The following SNX33 variants were observed in gnomAD, a reference collection of about 807,000 sequenced individuals.
The protein encoded by SNX33 is sorting nexin-33.
Under a neutral mutation model 38.8 loss-of-function variants are expected in SNX33, and 19 were observed. That is an observed-to-expected ratio of 0.49 (90% confidence interval 0.34 to 0.72). The LOEUF is 0.72. Among genes scored for constraint, SNX33 ranks in the 30% least tolerant of loss-of-function variants. The probability of loss-of-function intolerance (pLI) is 0.01; values close to 1 mark genes in which losing one functional copy is unlikely to be tolerated. For synonymous variants in SNX33, 246 were observed against 289.7 expected, an observed-to-expected ratio of 0.85 and a Z score of 1.53; for missense variants, 641 against 776.4, an observed-to-expected ratio of 0.83 and a Z score of 2.07.
rs1893720498 is a variant in SNX33, at chr15:75,661,310, C to T, written c.*4095C>T. ...GACCCAGCCCGCCCTGCCCGCCTGC[C>T]CGCTGACTCAGGCCTCCAGGAGCCA... On this transcript the variant is annotated 3_prime_UTR_variant, in exon 2 of 2. Transcript: ENST00000308527. The surrounding 1 kb of genome is among the most constrained non-coding windows in gnomAD (Gnocchi z 4.5). 6.6e-6 allele frequency: 1 copy of T among 152,050 alleles called. No individual in the cohort carries two copies. The highest frequency in any genetic ancestry group is 1.5e-5 in the Non-Finnish European group (1 of 68,084). The allele number at this position is 152,050 out of a possible 1,614,324, so 9.4% of individuals were successfully genotyped here.
At position 75,649,212 on chromosome 15, in the gene SNX33, G is replaced by A; in HGVS notation, c.110G>A (p.Gly37Asp). Residue 37 changes from glycine to aspartate, a missense_variant, in exon 1 of 2, where the codon GGC (glycine) becomes GAC (aspartate). Physicochemically the swap from Gly to Asp is moderately conservative, Grantham distance 94. Around this residue, in one of 2 missense-constraint regions of SNX33, gnomAD observed 243 missense variants for 233.9 expected, o/e 1.04. Transcript: ENST00000308527. This position sits in a 1 kb window ranked among gnomAD's most constrained non-coding sequence, Gnocchi z 6.6. ...ATCTTTAGCGAGACCTCACTGGATGGCTGGCTGCAGGGCCAGAACAGCCGT... is the reference window on the plus strand; with the variant it reads ...ATCTTTAGCGAGACCTCACTGGATGACTGGCTGCAGGGCCAGAACAGCCGT... ...LVIFSETSLD[G>D]WLQGQNSRGE... is the part of the protein sequence containing the mutation. 6.2e-7 allele frequency: 1 copy of A among 1,614,102 alleles called. No homozygotes were observed. The highest frequency in any genetic ancestry group is 1.1e-5 in the South Asian group (1 of 91,056).
Position 75,650,246 on chromosome 15 carries a change from A to C in SNX33, c.1144A>C (p.Lys382Gln). The change falls in exon 1 of 2, where the codon AAG becomes CAG. Residue 382 changes from lysine to glutamine, a missense_variant. Transcript: ENST00000308527. This position sits in a 1 kb window ranked among gnomAD's most constrained non-coding sequence, Gnocchi z 6.1. ...CGTGGAAGATCGCGTGGACACTTTC[A>C]AGGCCTTCAGTAAGAAGATGGACGA... ...QDVEDRVDTFKAFSKKMDDSV... is the reference protein window; with the variant it reads ...QDVEDRVDTFQAFSKKMDDSV... 6.3e-7 allele frequency: 1 copy of C among 1,587,780 alleles called. No homozygotes were observed. Among genetic ancestry groups the C allele is most frequent in the Non-Finnish European group, 8.6e-7 (1 of 1,165,160 alleles).
chr15:75,655,454 G>A (rs1893642294), intron 1 of SNX33, among the ~76,000 whole-genome samples: 1 of 152,190 alleles, frequency 6.6e-6, no homozygotes, highest in Non-Finnish European at 1.5e-5. Flanking sequence ...CTGGGAGCTG[G>A]GGAATGCAGA....
intron 1 of SNX33, among the ~76,000 whole-genome samples, chr15:75,652,006 G>GTT (rs10706187): frequency 0.18 from 23,468 of 132,758 alleles, 2,304 homozygotes; most frequent in Non-Finnish European, 0.23. Flanking sequence ...CTTTCTTTCT[G>GTT]TTTTTTTTTT....
rs1261791094 is a variant in SNX33, at chr15:75,659,121, C to G, written c.*1906C>G. On this transcript the variant is annotated 3_prime_UTR_variant, in exon 2 of 2. Coordinates refer to ENST00000308527, the MANE Select transcript of SNX33 (RefSeq NM_153271.2). ...TGGGTACCCAGCCCTGCGGAGGCTCCCACATTGGAAACTGAAGAGGACGCT... is the reference window on the plus strand; with the variant it reads ...TGGGTACCCAGCCCTGCGGAGGCTCGCACATTGGAAACTGAAGAGGACGCT... 6.6e-6 allele frequency: 1 copy of G among 152,380 alleles called. No individual in the cohort carries two copies. Among genetic ancestry groups the G allele is most frequent in the African/African-American group, 2.4e-5 (1 of 41,480 alleles). 9.4% of individuals were successfully genotyped at this position (152,380 alleles called of 1,614,324 possible). A position where few individuals can be genotyped will look rare whatever the true frequency, so the allele number is the denominator to read the frequency against.
rs1893729756 is a variant in SNX33 at position 75,662,085 on chromosome 15, T to C, written c.*4870T>C. ...CCCCATTCCCCACATGGTAGAAGTGTAATCTCACATCAATTTGGGGACCCT... is the reference window on the plus strand; with the variant it reads ...CCCCATTCCCCACATGGTAGAAGTGCAATCTCACATCAATTTGGGGACCCT... On this transcript the variant is annotated 3_prime_UTR_variant, in exon 2 of 2. Transcript: ENST00000308527. 1 of 152,192 alleles carries C rather than the reference T, an allele frequency of 6.6e-6. No homozygotes were observed. Among genetic ancestry groups the C allele is most frequent in the African/African-American group, 2.4e-5 (1 of 41,448 alleles). 9.4% of individuals were successfully genotyped at this position (152,192 alleles called of 1,614,324 possible).
rs751319113 is a variant in SNX33 at position 75,650,421 on chromosome 15, A to G, written c.1319A>G (p.Asn440Ser). 1.2e-6 allele frequency: 2 copies of G among 1,614,152 alleles called. No individual in the cohort carries two copies. Among genetic ancestry groups the G allele is most frequent in the South Asian group, 1.1e-5 (1 of 91,078 alleles). ...CCCCCCTTTTGCTCTGAGGCCCTCA[A>G]CAGTGCCATTTCTCACACGGGCCGT... ...MDPPFCSEAL[N>S]SAISHTGRTY... Residue 440 changes from asparagine (N) to serine (S), a missense_variant, in exon 1 of 2, where the codon AAC becomes AGC. This residue lies in a region of SNX33 where 398 missense variants were observed against 542.5 expected (regional missense o/e 0.73). Coordinates refer to ENST00000308527, the MANE Select transcript of SNX33 (RefSeq NM_153271.2). This position sits in a 1 kb window ranked among gnomAD's most constrained non-coding sequence, Gnocchi z 6.1.
chr15:75,649,243 G>A lies in SNX33; in HGVS notation c.141G>A (p.Glu47=), dbSNP rs377212143. 7 of 1,614,030 alleles carry A rather than the reference G, an allele frequency of 4.3e-6. No homozygotes were observed. In the African/African-American group the frequency reaches 8.0e-5, roughly 18 times the overall value. ...TGCAGGGCCAGAACAGCCGTGGGGA[G>A]ACAGGGCTCTTTCCTGCCTCTTATG... ...GWLQGQNSRG[E]TGLFPASYVE... Residue 47 remains glutamate, a synonymous_variant, in exon 1 of 2, where the codon GAG becomes GAA. Coordinates refer to ENST00000308527, the MANE Select transcript of SNX33 (RefSeq NM_153271.2). The surrounding 1 kb of genome is among the most constrained non-coding windows in gnomAD (Gnocchi z 6.6).
rs1157912338 is a variant in SNX33, at chr15:75,661,913, T to TG, written c.*4698_*4699insG. On this transcript the variant is annotated 3_prime_UTR_variant, in exon 2 of 2. Transcript: ENST00000308527. The surrounding 1 kb of genome is among the most constrained non-coding windows in gnomAD (Gnocchi z 4.5). Reference sequence around the variant, plus strand: ...GTGAAGGGTGAGAGGGTAGGGTGAGTCCCCCCAGCCCTGAGGGATGAAGGG... The same window carrying TG: ...GTGAAGGGTGAGAGGGTAGGGTGAGTGCCCCCCAGCCCTGAGGGATGAAGGG... 6.6e-6 allele frequency: 1 copy of TG among 151,358 alleles called. No homozygotes were observed. The highest frequency in any genetic ancestry group is 2.4e-5 in the African/African-American group (1 of 41,142). 9.4% of individuals were successfully genotyped at this position (151,358 alleles called of 1,614,324 possible). A position where few individuals can be genotyped will look rare whatever the true frequency, so the allele number is the denominator to read the frequency against.
chr15:75,657,068 C>T lies in SNX33; in HGVS notation c.1578C>T (p.Ala526=). 2 of 1,614,170 alleles carry T rather than the reference C, an allele frequency of 1.2e-6. No individual in the cohort carries two copies. The highest frequency in any genetic ancestry group is 1.7e-6 in the Non-Finnish European group (2 of 1,180,024). ...GGCGCTGCCGCGTGGTGGGTTTCGC[C>T]CTGCAGGCCGAGATGAACCACTTCC... ...IRRRCRVVGF[A]LQAEMNHFHQ... is the part of the protein sequence containing the mutation. Residue 526 remains alanine (A), a synonymous_variant, in exon 2 of 2, where the codon GCC becomes GCT. Coordinates refer to ENST00000308527, the MANE Select transcript of SNX33 (RefSeq NM_153271.2). The surrounding 1 kb of genome is among the most constrained non-coding windows in gnomAD (Gnocchi z 5.5).
Position 75,648,078 on chromosome 15 carries a change from A to T in SNX33, c.-1025A>T. 1.0e-6 allele frequency: 1 copy of T among 985,128 alleles called. No homozygotes were observed. Among genetic ancestry groups the T allele is most frequent in the African/African-American group, 1.7e-5 (1 of 57,224 alleles). The allele number at this position is 985,128 out of a possible 1,614,324, so 61.0% of individuals were successfully genotyped here. A position where few individuals can be genotyped will look rare whatever the true frequency, so the allele number is the denominator to read the frequency against. On this transcript the variant is annotated 5_prime_UTR_variant, in exon 1 of 2. Coordinates refer to ENST00000308527, the MANE Select transcript of SNX33 (RefSeq NM_153271.2). This position sits in a 1 kb window ranked among gnomAD's most constrained non-coding sequence, Gnocchi z 4.4. ...CCGCGCCATCTGCTCGCCGGAGCTC[A>T]CTCTCCAAACTCCAAACTGTTGAGT...
chr15:75,657,353 GAGA>G lies in SNX33; in HGVS notation c.*141_*143del. 1.4e-6 allele frequency: 2 copies of G among 1,417,156 alleles called. No individual in the cohort carries two copies. The highest frequency in any genetic ancestry group is 2.3e-5 in the East Asian group (1 of 43,488). The allele number at this position is 1,417,156 out of a possible 1,614,324, so 87.8% of individuals were successfully genotyped here. A position where few individuals can be genotyped will look rare whatever the true frequency, so the allele number is the denominator to read the frequency against. The stretch of plus-strand genomic sequence containing the variant: ...ATAAGCGGCCTGTCCTGCCTCCTGG[GAGA>G]AGGAGCTTTCAAGGAGTCATGGGTG... On this transcript the variant is annotated 3_prime_UTR_variant, in exon 2 of 2. Coordinates refer to ENST00000308527, the MANE Select transcript of SNX33 (RefSeq NM_153271.2). This position sits in a 1 kb window ranked among gnomAD's most constrained non-coding sequence, Gnocchi z 5.5.
Position 75,649,401 on chromosome 15 carries a change from G to A in SNX33, c.299G>A (p.Ser100Asn), listed in dbSNP as rs779203982. 2 of 1,542,502 alleles carry A rather than the reference G, an allele frequency of 1.3e-6. No homozygotes were observed. The highest frequency in any genetic ancestry group is 4.5e-5 in the East Asian group (2 of 44,120). The change falls in exon 1 of 2, where the codon AGT becomes AAT. Residue 100 changes from serine (S) to asparagine (N), a missense_variant. Physicochemically the swap from Ser to Asn is conservative, Grantham distance 46. Transcript: ENST00000308527. This position sits in a 1 kb window ranked among gnomAD's most constrained non-coding sequence, Gnocchi z 6.6. ...VASPARSGGGSGFLSNQGSFE... is the reference protein window; with the variant it reads ...VASPARSGGGNGFLSNQGSFE... Reference sequence around the variant, plus strand: ...AGCCCAGCTAGGAGTGGTGGGGGCAGTGGCTTCCTCTCAAACCAGGGTAGC... The same window carrying A: ...AGCCCAGCTAGGAGTGGTGGGGGCAATGGCTTCCTCTCAAACCAGGGTAGC...
At position 75,649,427 on chromosome 15, in the gene SNX33, T is replaced by C; in HGVS notation, c.325T>C (p.Phe109Leu). Residue 109 changes from phenylalanine to leucine, a missense_variant, in exon 1 of 2, where the codon TTT becomes CTT. Physicochemically the swap from Phe to Leu is conservative, Grantham distance 22. This residue lies in a region of SNX33 where 243 missense variants were observed against 233.9 expected (regional missense o/e 1.04). Transcript: ENST00000308527. The surrounding 1 kb of genome is among the most constrained non-coding windows in gnomAD (Gnocchi z 6.6). ...TGGCTTCCTCTCAAACCAGGGTAGCTTTGAGGAGGATGATGATGATGACTG... is the reference window on the plus strand; with the variant it reads ...TGGCTTCCTCTCAAACCAGGGTAGCCTTGAGGAGGATGATGATGATGACTG... ...GSGFLSNQGS[F>L]EEDDDDDWDD... 6.5e-7 allele frequency: 1 copy of C among 1,538,720 alleles called. No individual in the cohort carries two copies. The highest frequency in any genetic ancestry group is 8.8e-7 in the Non-Finnish European group (1 of 1,140,088).
At chr15:75,652,817 T>C (rs1305496410) in intron 1 of SNX33, among the ~76,000 whole-genome samples, 1 of 152,192 alleles carries the variant, frequency 6.6e-6, no homozygotes, top group Non-Finnish European at 1.5e-5. Flanking sequence ...GAGACAGAAC[T>C]GGACAGGCTT....
intron 1 of SNX33, among the ~76,000 whole-genome samples, chr15:75,654,097 T>TAAAA (rs77714603): frequency 2.7e-5 from 3 of 111,052 alleles, no homozygotes; most frequent in Non-Finnish European, 5.6e-5. Context: ...CATCTCAAAT[T>TAAAA]AAAAAAAAAA....
intron 1 of SNX33, among the ~76,000 whole-genome samples, chr15:75,651,586 T>C (rs73439283): frequency 0.025 from 3,858 of 152,316 alleles, 163 homozygotes; most frequent in African/African-American, 0.086. Flanking sequence ...ACTGTCCACA[T>C]GGCCTATCCA....
chr15:75,653,810 C>T (rs1478519353), intron 1 of SNX33, among the ~76,000 whole-genome samples: 1 of 152,146 alleles, frequency 6.6e-6, no homozygotes, highest in Non-Finnish European at 1.5e-5. Context: ...GGTTCTGAGC[C>T]ATCATCTAGC....
chr15:75,656,096 C>G (rs998481899), intron 1 of SNX33, among the ~76,000 whole-genome samples: 5 of 152,300 alleles, frequency 3.3e-5, no homozygotes, highest in African/African-American at 1.2e-4. Flanking sequence ...CTCGAGTTCC[C>G]TGGGGGCTGG....
Sources: allele counts gnomAD v4.1 joint callset (sites outside exome capture counted in the v4.1 genomes callset), GRCh38; gene constraint gnomAD v4.1.1; regional missense constraint gnomAD v4.1.1; non-coding constraint Gnocchi (gnomAD v3.1); transcripts MANE v1.5; gene names NCBI Gene and HGNC (gene_info 2026-07-23, HGNC 2026-07-21).